ENTREP2: variants seen among roughly 807,000 people sequenced by gnomAD.
ENTREP2 encodes protein ENTREP2.
At chr15:29,150,085 A>T in the ENTREP2 span, among the ~76,000 whole-genome samples, 1 of 152,148 alleles carries the variant, frequency 6.6e-6, no homozygotes. Flanking sequence ...TTCCCTACAC[A>T]TTTCAAATCC....
the ENTREP2 span, among the ~76,000 whole-genome samples, chr15:29,286,186 C>T: frequency 6.6e-6 from 1 of 152,010 alleles, no homozygotes; most frequent in African/African-American, 2.4e-5. Flanking sequence ...TCAGTCAGTG[C>T]AATCAGAAAA....
At chr15:29,487,586 C>T in the ENTREP2 span, among the ~76,000 whole-genome samples, 1 of 152,236 alleles carries the variant, frequency 6.6e-6, no homozygotes, top group Non-Finnish European at 1.5e-5. Flanking sequence ...TAAGGAATTA[C>T]AGATCTTGCA....
the ENTREP2 span, among the ~76,000 whole-genome samples, chr15:29,302,706 G>A: frequency 5.3e-5 from 8 of 152,112 alleles, no homozygotes; most frequent in Admixed American, 4.6e-4. Flanking sequence ...TGGTGCAAAT[G>A]GGATGTTTCC....
At chr15:29,387,957 C>G in the ENTREP2 span, among the ~76,000 whole-genome samples, 1 of 152,056 alleles carries the variant, frequency 6.6e-6, no homozygotes, top group Non-Finnish European at 1.5e-5. Context: ...ATACCTTATA[C>G]AAAAATTAAT....
the ENTREP2 span, among the ~76,000 whole-genome samples, chr15:29,317,942 C>CTAGCTCTCAAGGTGAGATG: frequency 6.6e-6 from 1 of 152,138 alleles, no homozygotes; most frequent in Non-Finnish European, 1.5e-5. Context: ...GTGGCTTTTG[C>CTAGCTCTCAAGGTGAGATG]ACGGTGGCAA....
At chr15:29,665,209 TCTGCGTATCTGG>T in the ENTREP2 span, among the ~76,000 whole-genome samples, 2 of 152,184 alleles carry the variant, frequency 1.3e-5, no homozygotes, top group Non-Finnish European at 2.9e-5. Flanking sequence ...GTGCCCTTCT[TCTGCGTATCTGG>T]CTGTGTAGGA....
chr15:29,567,391 A>G, the ENTREP2 span, among the ~76,000 whole-genome samples: 1 of 152,224 alleles, frequency 6.6e-6, no homozygotes, highest in East Asian at 1.9e-4. Flanking sequence ...CCTCCTTGCT[A>G]AAGTGGACCC....
At chr15:29,233,075 T>C in the ENTREP2 span, among the ~76,000 whole-genome samples, 78 of 152,360 alleles carry the variant, frequency 5.1e-4, no homozygotes, top group African/African-American at 1.8e-3. Context: ...CTGCTAGTAA[T>C]AAAGCTTGAT....
the ENTREP2 span, among the ~76,000 whole-genome samples, chr15:29,618,466 G>A: frequency 6.6e-6 from 1 of 151,292 alleles, no homozygotes; most frequent in Non-Finnish European, 1.5e-5. Context: ...TCCAGGAAAC[G>A]CACTTTGAAG....
chr15:29,191,821 G>C, the ENTREP2 span, among the ~76,000 whole-genome samples: 1 of 152,172 alleles, frequency 6.6e-6, no homozygotes, highest in Non-Finnish European at 1.5e-5. Context: ...GGCTAAGGTG[G>C]GAGGATCTCT....
At chr15:29,286,749 G>C in the ENTREP2 span, among the ~76,000 whole-genome samples, 2 of 152,216 alleles carry the variant, frequency 1.3e-5, no homozygotes, top group Non-Finnish European at 2.9e-5. Context: ...AAATAGAAGA[G>C]TGAGGCCGTT....
At chr15:29,604,886 G>A in the ENTREP2 span, among the ~76,000 whole-genome samples, 6 of 152,270 alleles carry the variant, frequency 3.9e-5, no homozygotes, top group Admixed American at 1.3e-4. Context: ...CCGGCATCAC[G>A]AGTAAGGGCA....
the ENTREP2 span, among the ~76,000 whole-genome samples, chr15:29,497,132 T>C: frequency 6.6e-5 from 10 of 152,326 alleles, no homozygotes; most frequent in African/African-American, 2.4e-4. Context: ...ACTCTTTTTC[T>C]CTTCTGCCTT....
the ENTREP2 span, among the ~76,000 whole-genome samples, chr15:29,392,692 T>C: frequency 1.9e-4 from 29 of 152,352 alleles, no homozygotes; most frequent in Non-Finnish European, 2.9e-4. Context: ...ACTGAATCTG[T>C]GAATTTATAT....
the ENTREP2 span, among the ~76,000 whole-genome samples, chr15:29,280,092 T>C: frequency 6.6e-6 from 1 of 152,218 alleles, no homozygotes; most frequent in African/African-American, 2.4e-5. Context: ...CTCAGTTATG[T>C]ACATATGTGA....
the ENTREP2 span, among the ~76,000 whole-genome samples, chr15:29,295,918 G>A: frequency 1.3e-5 from 2 of 152,228 alleles, no homozygotes. Context: ...AACAGAAACT[G>A]TGGAAAGTGA....
At chr15:29,538,806 C>CT in the ENTREP2 span, among the ~76,000 whole-genome samples, 5 of 131,386 alleles carry the variant, frequency 3.8e-5, no homozygotes, top group African/African-American at 1.1e-4. Context: ...GAGACTCTAT[C>CT]TCAAAAAAAA....
chr15:29,352,875 T>C, the ENTREP2 span, among the ~76,000 whole-genome samples: 1 of 152,242 alleles, frequency 6.6e-6, no homozygotes, highest in African/African-American at 2.4e-5. Flanking sequence ...TATCACCTGA[T>C]ATTATTCACC....
the ENTREP2 span, among the ~76,000 whole-genome samples, chr15:29,447,540 A>G: frequency 3.7e-4 from 57 of 152,224 alleles, no homozygotes; most frequent in South Asian, 6.2e-3. Context: ...ATCGCAGCTC[A>G]CTGCAGCTTC....
Sources: allele counts gnomAD v4.1 joint callset (sites outside exome capture counted in the v4.1 genomes callset), GRCh38; gene constraint gnomAD v4.1.1; transcripts MANE v1.5; gene names NCBI Gene and HGNC (gene_info 2026-07-23, HGNC 2026-07-21).